OR4Q3: variants seen among roughly 807,000 people sequenced by gnomAD.
The protein encoded by OR4Q3 is olfactory receptor family 4 subfamily Q member 3, also known as olfactory receptor 4Q3.
A neutral mutation model predicts 18.8 loss-of-function variants in OR4Q3; 17 were observed. The ratio of observed to expected loss-of-function variants is 0.91; its 90% CI spans 0.62 to 1.36. The LOEUF (loss-of-function observed/expected upper bound fraction) is 1.36, where lower values mean the gene tolerates loss of function less well. Ranked by LOEUF, OR4Q3 falls within the 40% of genes most tolerant of loss-of-function variation. The pLI, the probability that OR4Q3 is intolerant of heterozygous loss-of-function variation, is 0.00. For synonymous variants in OR4Q3, 158 were observed against 145.8 expected (o/e 1.08, Z -0.60); for missense variants, 378 against 373.4 (o/e 1.01, Z -0.10).
At chr14:19,749,633 A>AAAAAAAAAAAAAC, downstream of OR4Q3, among the ~76,000 whole-genome samples, 1 of 136,326 alleles carries the variant, frequency 7.3e-6, no homozygotes, top group African/African-American at 2.7e-5. Flanking sequence ...AAAAAAAAAA[A>AAAAAAAAAAAAAC]AGAAAGCAAG....
At chr14:19,746,978 G>A in intron 1 of OR4Q3, among the ~76,000 whole-genome samples, 2 of 152,250 alleles carry the variant, frequency 1.3e-5, no homozygotes, top group South Asian at 2.1e-4. Context: ...TATTAACTGT[G>A]CATTAAATTG....
exon 2 of OR4Q3, chr14:19,747,512 T>C: frequency 1.2e-6 from 2 of 1,613,738 alleles, no homozygotes; most frequent in South Asian, 1.1e-5. Flanking sequence ...ATTTCTCTTC[T>C]TACTATTTTT....
At chr14:19,744,488 A>C (rs1397799293) in intron 1 of OR4Q3, among the ~76,000 whole-genome samples, 1 of 152,212 alleles carries the variant, frequency 6.6e-6, no homozygotes, top group Non-Finnish European at 1.5e-5. Context: ...TTCCCTGTTT[A>C]GAAAGAAGAG....
chr14:19,750,596 G>A, downstream of OR4Q3, among the ~76,000 whole-genome samples: 1 of 152,212 alleles, frequency 6.6e-6, no homozygotes. Context: ...GGATATACTG[G>A]AAAATTGCAA....
intron 1 of OR4Q3, among the ~76,000 whole-genome samples, chr14:19,745,012 T>G: frequency 6.6e-6 from 1 of 152,076 alleles, no homozygotes; most frequent in African/African-American, 2.4e-5. Flanking sequence ...TTATGTTTCA[T>G]ATTGTCTGAG....
At chr14:19,747,685 C>T in exon 2 of OR4Q3, 2 of 1,613,922 alleles carry the variant, frequency 1.2e-6, no homozygotes, top group Non-Finnish European at 8.5e-7. Context: ...TAGGGGATTT[C>T]CTACAGCAGG....
At chr14:19,751,802 G>A, downstream of OR4Q3, among the ~76,000 whole-genome samples, 2 of 151,750 alleles carry the variant, frequency 1.3e-5, no homozygotes, top group Non-Finnish European at 2.9e-5. Context: ...CTAACTAGCA[G>A]TCTAACAATC....
chr14:19,748,785 T>C, exon 2 of OR4Q3: 11 of 175,992 alleles, frequency 6.3e-5, no homozygotes, highest in Non-Finnish European at 1.1e-4. Context: ...TTCCTTCTGA[T>C]GTCTCATCAG....
At chr14:19,748,536 C>T in exon 2 of OR4Q3, 1 of 606,276 alleles carries the variant, frequency 1.6e-6, no homozygotes, top group Non-Finnish European at 2.8e-6. Context: ...ATAGGTGGCA[C>T]TCTAGAAAGC....
downstream of OR4Q3, among the ~76,000 whole-genome samples, chr14:19,749,901 TCTTTCTTTTTTC>T: frequency 6.9e-3 from 71 of 10,290 alleles, no homozygotes; most frequent in African/African-American, 0.011. Flanking sequence ...TTTCTTTCTT[TCTTTCTTTTTTC>T]TTTCTTTCTT....
At chr14:19,748,335 G>C in exon 2 of OR4Q3, 2 of 1,611,832 alleles carry the variant, frequency 1.2e-6, no homozygotes, top group Non-Finnish European at 1.7e-6. Flanking sequence ...AAGAAGCTGA[G>C]GATAAAACCA....
downstream of OR4Q3, among the ~76,000 whole-genome samples, chr14:19,749,952 T>G: frequency 8.0e-5 from 12 of 150,278 alleles, no homozygotes; most frequent in Admixed American, 8.1e-4. Context: ...TTTTTCTCTT[T>G]TTCTTTCTCT....
intron 1 of OR4Q3, among the ~76,000 whole-genome samples, chr14:19,747,197 T>A: frequency 1.3e-5 from 2 of 152,208 alleles, no homozygotes; most frequent in Non-Finnish European, 2.9e-5. Context: ...TTATTGTGAA[T>A]GCAATTTAAA....
exon 2 of OR4Q3, chr14:19,747,406 G>T: frequency 7.4e-6 from 11 of 1,482,950 alleles, no homozygotes; most frequent in Admixed American, 3.7e-5. Flanking sequence ...TCTTCTTTAG[G>T]TCACTTGATA....
chr14:19,749,837 A>G, downstream of OR4Q3, among the ~76,000 whole-genome samples: 1 of 143,018 alleles, frequency 7.0e-6, no homozygotes, highest in Non-Finnish European at 1.5e-5. Flanking sequence ...TATCCCAATT[A>G]TACAGATTAC....
chr14:19,743,759 A>G (rs1250588617), intron 1 of OR4Q3, 88 bp downstream of exon 1: 3 of 151,822 alleles, frequency 2.0e-5, no homozygotes, highest in African/African-American at 7.3e-5. Flanking sequence ...TGTTGTCCTC[A>G]CTCTTTTTCT....
At chr14:19,748,196 T>C in exon 2 of OR4Q3, 22 of 1,613,938 alleles carry the variant, frequency 1.4e-5, no homozygotes, top group African/African-American at 4.0e-5. Context: ...GCCATGCGTA[T>C]TCATCTATTT....
chr14:19,746,768 A>T, intron 1 of OR4Q3, among the ~76,000 whole-genome samples: 1 of 152,228 alleles, frequency 6.6e-6, no homozygotes, highest in African/African-American at 2.4e-5. Flanking sequence ...GTAACTACTA[A>T]CCTTTGTACA....
chr14:19,748,417 ACT>A, exon 2 of OR4Q3: 1 of 1,392,476 alleles, frequency 7.2e-7, no homozygotes, highest in Non-Finnish European at 9.9e-7. Flanking sequence ...TTCTTGGAAG[ACT>A]CTTAACTCAT....
Sources: allele counts gnomAD v4.1 joint callset (sites outside exome capture counted in the v4.1 genomes callset), GRCh38; gene constraint gnomAD v4.1.1; transcripts MANE v1.5; gene names NCBI Gene and HGNC (gene_info 2026-07-23, HGNC 2026-07-21).